The following ATP6V1C1 variants were observed in gnomAD, a reference collection of about 807,000 sequenced individuals.
ATP6V1C1 encodes V-type proton ATPase subunit C 1.
ATP6V1C1 carries 45 observed loss-of-function variants against 53.9 expected under a neutral mutation model. The observed-to-expected ratio is 0.83, with a 90% CI of 0.66 to 1.07. The LOEUF (loss-of-function observed/expected upper bound fraction) is 1.07. Among genes scored for constraint, ATP6V1C1 ranks in the 50% least tolerant of loss-of-function variants. The probability of loss-of-function intolerance (pLI) is 0.00; values close to 1 mark genes in which losing one functional copy is unlikely to be tolerated. For synonymous variants in ATP6V1C1, 153 were observed against 155.2 expected, an observed-to-expected ratio of 0.99 and a Z score of 0.11; for missense variants, 315 against 440.3, an observed-to-expected ratio of 0.72 and a Z score of 2.55.
intron 12 of ATP6V1C1, among the ~76,000 whole-genome samples, chr8:103,067,598 C>CTTTTTTTTT (rs764474136): frequency 1.7e-5 from 2 of 114,976 alleles, no homozygotes; most frequent in African/African-American, 3.3e-5. Flanking sequence ...TTTTCTTTTT[C>CTTTTTTTTT]TTTTTTTTTT....
chr8:103,068,775 T>A lies in ATP6V1C1; in HGVS notation c.*28T>A. 1.3e-6 allele frequency: 2 copies of A among 1,574,724 alleles called. No homozygotes were observed. The highest frequency in any genetic ancestry group is 8.7e-7 in the Non-Finnish European group (1 of 1,149,890). ...ATGGGCTCCTCCCCCGACAATCCTG[T>A]CCTTGTGTTTGTGTGTGCTAACAGA... On this transcript the variant is annotated 3_prime_UTR_variant, in exon 13 of 13. Transcript: ENST00000518738.
In ATP6V1C1 at chr8:103,051,073, A is replaced by G. The variant is rs988346697; in HGVS notation, c.310A>G (p.Arg104Gly). 2 of 1,607,840 alleles carry G rather than the reference A, an allele frequency of 1.2e-6. No homozygotes were observed. The highest frequency in any genetic ancestry group is 1.7e-6 in the Non-Finnish European group (2 of 1,175,714). The part of the protein sequence containing the change: ...NGVDLVTYIT[R>G]FQWDMAKYPI... ...AGTGGACTTGGTTACTTATATAACA[A>G]GGTTCCAGTGGGACATGGCCAAATA... Residue 104 changes from arginine (R) to glycine (G), a missense_variant, in exon 5 of 13, where the codon AGG becomes GGG. By Grantham distance (125) the Arg-to-Gly change is moderately radical (BLOSUM62 -2). Transcript: ENST00000518738.
chr8:103,071,695 T>C lies in ATP6V1C1; in HGVS notation c.*2948T>C. 1 of 153,536 alleles carries C rather than the reference T, an allele frequency of 6.5e-6. No individual in the cohort carries two copies. The highest frequency in any genetic ancestry group is 1.4e-5 in the Non-Finnish European group (1 of 69,018). The allele number at this position is 153,536 out of a possible 1,614,324, so 9.5% of individuals were successfully genotyped here. On this transcript the variant is annotated 3_prime_UTR_variant, in exon 13 of 13. Coordinates refer to ENST00000518738, the MANE Select transcript of ATP6V1C1 (RefSeq NM_001695.5). Reference sequence around the variant, plus strand: ...GGCATGATCAGGGCTTACTGCAGCCTCACCCTCGATTTCCTGGGCTCAAGC... The same window carrying C: ...GGCATGATCAGGGCTTACTGCAGCCCCACCCTCGATTTCCTGGGCTCAAGC...
chr8:103,049,545 T>C (rs1418360801), intron 4 of ATP6V1C1, among the ~76,000 whole-genome samples: 1 of 152,170 alleles, frequency 6.6e-6, no homozygotes, highest in African/African-American at 2.4e-5. Context: ...ACCCCATTGT[T>C]GTCATTTGTA....
Position 103,066,553 on chromosome 8 carries a change from A to AT in ATP6V1C1, c.1053+112dup, listed in dbSNP as rs535251477. 1.5e-3 allele frequency: 1,875 copies of AT among 1,248,560 alleles called. 19 individuals carry two copies. In the African/African-American group the frequency reaches 0.016, roughly 11 times the overall value. 77.3% of individuals were successfully genotyped at this position (1,248,560 alleles called of 1,614,324 possible). ...GGGAGGGTAAGTATGAAACTTAATC[A>AT]TTTTTTATTACTTTGAGGTTCTCAA... On this transcript the variant is annotated intron_variant, in intron 12 of 12. Coordinates refer to ENST00000518738, the MANE Select transcript of ATP6V1C1 (RefSeq NM_001695.5).
In ATP6V1C1 at chr8:103,040,949, T is replaced by C. The variant is rs1442109611; in HGVS notation, c.113T>C (p.Phe38Ser). ...KNNNLAVTSK[F>S]NIPDLKVGTL... ...AATAATCTTGCTGTCACTTCCAAGT[T>C]CAATATTCCTGACTTAAAGGTGAAG... Residue 38 changes from phenylalanine to serine, a missense_variant, in exon 2 of 13, where the codon TTC becomes TCC. Phe to Ser is a radical substitution (Grantham distance 155). Transcript: ENST00000518738. The C allele has an allele frequency of 1.2e-6, 2 of 1,614,050 alleles. No individual in the cohort carries two copies. Among genetic ancestry groups the C allele is most frequent in the Admixed American group, 1.7e-5 (1 of 60,008 alleles).
intron 11 of ATP6V1C1, 144 bp from the exon 12 acceptor site, chr8:103,066,177 T>C (rs1198268887): frequency 2.1e-6 from 2 of 973,410 alleles, no homozygotes; most frequent in Non-Finnish European, 2.8e-6. Flanking sequence ...AGTTTCTATA[T>C]ATATTAGTTG....
chr8:103,069,234 G>GAGC lies in ATP6V1C1; in HGVS notation c.*489_*491dup, dbSNP rs1277188421. Reference sequence around the variant, plus strand: ...CTGAACGTTTCAAATTTCAATCAATGAGCACTGTCAACACCCACAGGAGAG... The same window carrying GAGC: ...CTGAACGTTTCAAATTTCAATCAATGAGCAGCACTGTCAACACCCACAGGAGAG... On this transcript the variant is annotated 3_prime_UTR_variant, in exon 13 of 13. Transcript: ENST00000518738. 1 of 152,252 alleles carries GAGC rather than the reference G, an allele frequency of 6.6e-6. No individual in the cohort carries two copies. The highest frequency in any genetic ancestry group is 1.5e-5 in the Non-Finnish European group (1 of 68,108). The allele number at this position is 152,252 out of a possible 1,614,324, so 9.4% of individuals were successfully genotyped here. A position where few individuals can be genotyped will look rare whatever the true frequency, so the allele number is the denominator to read the frequency against.
rs1213424954 is a variant in ATP6V1C1 at position 103,059,622 on chromosome 8, AAAATGGTCAAATAT to A, written c.642-3332_642-3319del. 2.6e-5 allele frequency among the ~76,000 whole-genome samples: 4 copies of A among 150,952 alleles called. No individual in the cohort carries two copies. In the Admixed American group the frequency reaches 2.7e-4, roughly 10 times the overall value. The stretch of plus-strand genomic sequence containing the variant: ...TAAAAATTGATGTTTTGTAGGTCAG[AAAATGGTCAAATAT>A]CTACAATTTCATAGGGTTAAATCTA... On this transcript the variant is annotated intron_variant, in intron 8 of 12. Transcript: ENST00000518738.
chr8:103,047,178 C>G (rs1238091494), intron 3 of ATP6V1C1, among the ~76,000 whole-genome samples: 2 of 152,018 alleles, frequency 1.3e-5, no homozygotes, highest in Non-Finnish European at 2.9e-5. Context: ...GGTTTGAGAC[C>G]ACTCAGCATA....
chr8:103,058,447 T>C (rs529700912), intron 8 of ATP6V1C1, among the ~76,000 whole-genome samples: 1 of 152,346 alleles, frequency 6.6e-6, no homozygotes, highest in African/African-American at 2.4e-5. Flanking sequence ...ATAGGCTTTT[T>C]TGAGTGAGCC....
At chr8:103,037,387 G>T (rs2131386785) in intron 1 of ATP6V1C1, among the ~76,000 whole-genome samples, 1 of 151,966 alleles carries the variant, frequency 6.6e-6, no homozygotes, top group South Asian at 2.1e-4. Context: ...TCGCTATGTT[G>T]ACCAGGCTGA....
At chr8:103,067,695 G>C (rs1382366131) in intron 12 of ATP6V1C1, among the ~76,000 whole-genome samples, 1 of 150,374 alleles carries the variant, frequency 6.7e-6, no homozygotes, top group Admixed American at 6.6e-5. Context: ...CTGCCTCCTG[G>C]GTTCAGGCAG....
intron 3 of ATP6V1C1, among the ~76,000 whole-genome samples, chr8:103,046,041 CAAGTTAT>C: frequency 6.6e-6 from 1 of 151,856 alleles, no homozygotes; most frequent in South Asian, 2.1e-4. Context: ...ATTACAGTTA[CAAGTTAT>C]GACAACCAAA....
chr8:103,022,736 A>G (rs1397156866), intron 1 of ATP6V1C1, among the ~76,000 whole-genome samples: 1 of 152,040 alleles, frequency 6.6e-6, no homozygotes, highest in Non-Finnish European at 1.5e-5. Context: ...TGAAAAGGGA[A>G]TGTGAAGGTG....
intron 1 of ATP6V1C1, among the ~76,000 whole-genome samples, chr8:103,033,935 G>A (rs1177375191): frequency 2.6e-5 from 4 of 152,204 alleles, no homozygotes; most frequent in Non-Finnish European, 4.4e-5. Flanking sequence ...GAACAGTGGA[G>A]TAGGACTACA....
intron 3 of ATP6V1C1, 34 bp downstream of exon 3, chr8:103,042,441 T>TG: frequency 6.3e-7 from 1 of 1,577,778 alleles, no homozygotes; most frequent in Non-Finnish European, 8.7e-7. Flanking sequence ...TAGAGCAAAA[T>TG]GGGAGACACT....
intron 5 of ATP6V1C1, 63 bp from the exon 6 acceptor site, chr8:103,052,668 T>A (rs557893150): frequency 1.2e-6 from 1 of 841,492 alleles, no homozygotes; most frequent in African/African-American, 1.8e-5. Context: ...GCTACTTTGA[T>A]AGTATTAGTA....
chr8:103,063,759 A>C (rs1231426826), intron 10 of ATP6V1C1, among the ~76,000 whole-genome samples: 3 of 152,180 alleles, frequency 2.0e-5, no homozygotes, highest in African/African-American at 7.2e-5. Context: ...GATGGTGTTA[A>C]CTTTCTTGCC....
Sources: gnomAD v4.1 joint callset for allele counts (sites outside exome capture counted in the v4.1 genomes callset) on GRCh38, gnomAD v4.1.1 for gene constraint, MANE v1.5 for transcripts, NCBI Gene and HGNC (gene_info 2026-07-23, HGNC 2026-07-21) for gene names.